PIK3C2G: variants seen among roughly 807,000 people sequenced by gnomAD.
PIK3C2G encodes phosphatidylinositol-4-phosphate 3-kinase catalytic subunit type 2 gamma, also known as phosphatidylinositol 3-kinase C2 domain-containing subunit gamma.
PIK3C2G carries 168 observed loss-of-function variants against 181.1 expected under a neutral mutation model. The ratio of observed to expected loss-of-function variants is 0.93; its 90% CI spans 0.82 to 1.05. The LOEUF is 1.05. PIK3C2G is among the 50% of genes least tolerant of loss of function. The pLI, the probability that PIK3C2G is intolerant of heterozygous loss-of-function variation, is 0.00. For missense variants in PIK3C2G, 1,869 were observed against 1,732.8 expected (o/e 1.08, Z -1.40); for synonymous variants, 573 against 592.2 (o/e 0.97, Z 0.47).
upstream of PIK3C2G, among the ~76,000 whole-genome samples, chr12:18,245,481 A>C (rs1948030519): frequency 7.7e-6 from 1 of 130,060 alleles, no homozygotes; most frequent in African/African-American, 2.7e-5. Flanking sequence ...AAATTACCCA[A>C]GAGTGATTTG....
chr12:18,345,924 T>G (rs563711357), intron 10 of PIK3C2G, among the ~76,000 whole-genome samples: 1 of 152,328 alleles, frequency 6.6e-6, no homozygotes, highest in South Asian at 2.1e-4. Flanking sequence ...GATGATGTGC[T>G]TACTTGTTCT....
At chr12:18,456,748 T>C (rs1315672822) in intron 18 of PIK3C2G, among the ~76,000 whole-genome samples, 2 of 152,170 alleles carry the variant, frequency 1.3e-5, no homozygotes, top group Non-Finnish European at 2.9e-5. Context: ...CCAGCTTGCT[T>C]ATCTATGTCT....
In PIK3C2G at chr12:18,285,038, T is replaced by C. The variant is rs190300974; in HGVS notation, c.679-1809T>C. 2.8e-3 allele frequency among the ~76,000 whole-genome samples: 425 copies of C among 151,948 alleles called. 3 individuals carry two copies. Among genetic ancestry groups the C allele is most frequent in the African/African-American group, 7.6e-3 (314 of 41,464 alleles). ...TCTAACAAGCTCGCCACAACCCAAATAGAATAAATGCAAAGACAGCCACAT... is the reference window on the plus strand; with the variant it reads ...TCTAACAAGCTCGCCACAACCCAAACAGAATAAATGCAAAGACAGCCACAT... On this transcript the variant is annotated intron_variant, in intron 2 of 32. Transcript: ENST00000538779.
At chr12:18,669,083 A>T in the PIK3C2G span, among the ~76,000 whole-genome samples, 3 of 152,208 alleles carry the variant, frequency 2.0e-5, no homozygotes, top group Non-Finnish European at 4.4e-5. Flanking sequence ...CTGCATTTTC[A>T]TGGTACTGTT....
At chr12:18,670,157 A>G in the PIK3C2G span, among the ~76,000 whole-genome samples, 9 of 152,338 alleles carry the variant, frequency 5.9e-5, no homozygotes, top group Admixed American at 5.2e-4. Context: ...ATATCAGATC[A>G]TTAGATAGAA....
chr12:18,269,472 C>T, intron 1 of PIK3C2G, among the ~76,000 whole-genome samples: 1 of 152,098 alleles, frequency 6.6e-6, no homozygotes, highest in East Asian at 1.9e-4. Flanking sequence ...GTTTTCCTCA[C>T]CCATGCAAGT....
intron 18 of PIK3C2G, among the ~76,000 whole-genome samples, chr12:18,429,035 A>C (rs1367466574): frequency 6.6e-6 from 1 of 152,180 alleles, no homozygotes; most frequent in Non-Finnish European, 1.5e-5. Flanking sequence ...TGATTTGTGA[A>C]TGTGACCTTA....
chr12:18,331,345 T>C (rs1165038505), intron 8 of PIK3C2G, among the ~76,000 whole-genome samples: 1 of 152,190 alleles, frequency 6.6e-6, no homozygotes, highest in African/African-American at 2.4e-5. Context: ...ACAGGTTTCT[T>C]AAATCACTCA....
the PIK3C2G span, among the ~76,000 whole-genome samples, chr12:18,686,278 A>C: frequency 6.6e-6 from 1 of 151,794 alleles, no homozygotes; most frequent in East Asian, 1.9e-4. Context: ...CTAACACTCA[A>C]CTCTGTTAAA....
chr12:18,244,043 T>C (rs1009879484), upstream of PIK3C2G, among the ~76,000 whole-genome samples: 1 of 151,890 alleles, frequency 6.6e-6, no homozygotes, highest in Non-Finnish European at 1.5e-5. Context: ...GTAATAACTA[T>C]GAGAACAGAG....
chr12:18,355,094 G>A (rs59845224), intron 11 of PIK3C2G, among the ~76,000 whole-genome samples: 10 of 152,232 alleles, frequency 6.6e-5, no homozygotes, highest in African/African-American at 1.9e-4. Flanking sequence ...CTTCCATGAC[G>A]TGGAGGCTTA....
At chr12:18,495,240 A>G (rs1380081012) in intron 20 of PIK3C2G, among the ~76,000 whole-genome samples, 1 of 152,100 alleles carries the variant, frequency 6.6e-6, no homozygotes, top group African/African-American at 2.4e-5. Context: ...CTTCAATGCC[A>G]TCATGAACTC....
chr12:18,280,137 G>A (rs893250332), intron 1 of PIK3C2G, among the ~76,000 whole-genome samples: 7 of 151,918 alleles, frequency 4.6e-5, no homozygotes, highest in Non-Finnish European at 8.8e-5. Flanking sequence ...AATACTTCAC[G>A]ATTTCATTTT....
chr12:18,502,092 A>G (rs1245034767), intron 22 of PIK3C2G, among the ~76,000 whole-genome samples: 1 of 152,192 alleles, frequency 6.6e-6, no homozygotes, highest in African/African-American at 2.4e-5. Flanking sequence ...CTATTAGGAG[A>G]GAAGGGAGAA....
chr12:18,305,951 C>G (rs981785752), intron 5 of PIK3C2G, among the ~76,000 whole-genome samples: 1 of 150,144 alleles, frequency 6.7e-6, no homozygotes, highest in Non-Finnish European at 1.5e-5. Flanking sequence ...TTTTTACCGA[C>G]TTTCTTAGTA....
At chr12:18,619,210 T>G (rs1002734786) in intron 31 of PIK3C2G, among the ~76,000 whole-genome samples, 4 of 151,874 alleles carry the variant, frequency 2.6e-5, no homozygotes, top group Admixed American at 1.3e-4. Context: ...AATAATGTAG[T>G]CTGGAGACTA....
At chr12:18,559,833 G>T (rs1323597754) in intron 26 of PIK3C2G, among the ~76,000 whole-genome samples, 111 of 84,598 alleles carry the variant, frequency 1.3e-3, no homozygotes, top group Non-Finnish European at 2.1e-3. Context: ...GAGAGAGAGA[G>T]AGAGAGAGAG....
chr12:18,339,597 A>C (rs1371498647), intron 9 of PIK3C2G, among the ~76,000 whole-genome samples: 1 of 152,122 alleles, frequency 6.6e-6, no homozygotes, highest in African/African-American at 2.4e-5. Context: ...CCAATCTTGA[A>C]ATTTTCAAAA....
At chr12:18,310,103 G>C (rs1293374699) in intron 5 of PIK3C2G, among the ~76,000 whole-genome samples, 1 of 151,738 alleles carries the variant, frequency 6.6e-6, no homozygotes, top group East Asian at 1.9e-4. Flanking sequence ...TATTGTTGCT[G>C]AATTCAATGT....
Sources: gnomAD v4.1 joint callset for allele counts (sites outside exome capture counted in the v4.1 genomes callset) on GRCh38, gnomAD v4.1.1 for gene constraint, MANE v1.5 for transcripts, NCBI Gene and HGNC (gene_info 2026-07-23, HGNC 2026-07-21) for gene names.